Variants in CSMD3 observed in about 807,000 individuals in gnomAD.
CSMD3 encodes CUB and sushi domain-containing protein 3.
In CSMD3, 177 loss-of-function variants were observed where a neutral mutation model predicts 435.2. The ratio of observed to expected loss-of-function variants is 0.41; its 90% CI spans 0.36 to 0.46. The LOEUF is 0.46. Ranked by LOEUF, CSMD3 falls within the 20% of genes least tolerant of loss-of-function variation. The pLI is 0.34. For synonymous variants in CSMD3, 1,656 were observed against 1,520.5 expected, an observed-to-expected ratio of 1.09 and a Z score of -2.07; for missense variants, 4,265 against 4,504.6, an observed-to-expected ratio of 0.95 and a Z score of 1.52.
At chr8:113,260,347 C>T (rs77353164) in intron 3 of CSMD3, among the ~76,000 whole-genome samples, 4 of 152,114 alleles carry the variant, frequency 2.6e-5, no homozygotes, top group African/African-American at 9.7e-5. Flanking sequence ...ACGTTTTGTT[C>T]AGTTATTCAT....
At chr8:112,830,682 A>C (rs1012527142) in intron 11 of CSMD3, among the ~76,000 whole-genome samples, 5 of 152,020 alleles carry the variant, frequency 3.3e-5, no homozygotes, top group African/African-American at 9.6e-5. Context: ...TAAATGAAGA[A>C]GATATTTCTT....
intron 30 of CSMD3, among the ~76,000 whole-genome samples, chr8:112,502,598 G>A (rs148411386): frequency 4.7e-4 from 72 of 152,236 alleles, no homozygotes; most frequent in Admixed American, 9.2e-4. Context: ...GACCTCTTAC[G>A]ATAGCCCTGA....
chr8:113,421,907 A>G (rs1304941272), intron 1 of CSMD3, among the ~76,000 whole-genome samples: 1 of 152,180 alleles, frequency 6.6e-6, no homozygotes, highest in Non-Finnish European at 1.5e-5. Flanking sequence ...TTGCCCAAGG[A>G]CAGGTTTGAG....
chr8:112,543,694 A>G (rs966259511), intron 27 of CSMD3, among the ~76,000 whole-genome samples: 2 of 152,168 alleles, frequency 1.3e-5, no homozygotes, highest in Non-Finnish European at 2.9e-5. Flanking sequence ...TCTAAAAATG[A>G]AACTACTTTA....
intron 13 of CSMD3, among the ~76,000 whole-genome samples, chr8:112,704,373 CATT>C (rs2076453968): frequency 6.6e-6 from 1 of 152,036 alleles, no homozygotes; most frequent in Non-Finnish European, 1.5e-5. Context: ...CTTGAAATAT[CATT>C]AACGTGAAGT....
intron 58 of CSMD3, among the ~76,000 whole-genome samples, chr8:112,285,211 T>G (rs576162538): frequency 2.6e-5 from 4 of 152,224 alleles, no homozygotes; most frequent in African/African-American, 9.6e-5. Flanking sequence ...TAAAATATTT[T>G]GTAGGTCAGC....
intron 9 of CSMD3, among the ~76,000 whole-genome samples, chr8:112,938,851 A>C (rs2083364786): frequency 6.6e-6 from 1 of 152,238 alleles, no homozygotes; most frequent in African/African-American, 2.4e-5. Flanking sequence ...ATTGCAAGCC[A>C]TACTCCCTGG....
In CSMD3 at chr8:112,333,217, G is replaced by A. The variant is rs566256453; in HGVS notation, c.7165+2112C>T. On this transcript the variant is annotated intron_variant, in intron 45 of 70. Coordinates refer to ENST00000297405, the MANE Select transcript of CSMD3 (RefSeq NM_198123.2). The stretch of plus-strand genomic sequence containing the variant: ...AGCTTCACTCTTGTTGCCCACGCTG[G>A]AGTGCAATGGCGCCATCTCGGCTCA... Among the ~76,000 whole-genome samples the A allele has an allele frequency of 3.0e-4, 46 of 152,258 alleles. 1 individual carries two copies. The East Asian group carries it at 4.2e-3, about 14-fold the overall frequency.
At chr8:113,012,990 G>C (rs1412147502) in intron 6 of CSMD3, among the ~76,000 whole-genome samples, 1 of 151,828 alleles carries the variant, frequency 6.6e-6, no homozygotes, top group African/African-American at 2.4e-5. Context: ...ATATGGTGAA[G>C]GTACAACAAG....
intron 12 of CSMD3, among the ~76,000 whole-genome samples, chr8:112,828,396 G>T (rs2079762028): frequency 6.6e-6 from 1 of 152,124 alleles, no homozygotes; most frequent in Admixed American, 6.5e-5. Flanking sequence ...CCATGCTGTT[G>T]TCATGATAGT....
At position 112,637,147 on chromosome 8, in the gene CSMD3, G is replaced by A. The variant is rs756071103; in HGVS notation, c.3527-142C>T. 1.4e-4 allele frequency: 98 copies of A among 679,296 alleles called. 1 individual carries two copies. Among genetic ancestry groups the A allele is most frequent in the Admixed American group, 4.6e-4 (20 of 43,272 alleles). 42.1% of individuals were successfully genotyped at this position (679,296 alleles called of 1,614,324 possible). On this transcript the variant is annotated intron_variant, in intron 21 of 70. Coordinates refer to ENST00000297405, the MANE Select transcript of CSMD3 (RefSeq NM_198123.2). ...GGACTATATGAATAGCTATCAGAAC[G>A]TACAAATGGCACACATACGTTTCTT... is the stretch of plus-strand genomic sequence containing the variant.
At chr8:112,511,580 C>T (rs1233942791) in intron 28 of CSMD3, among the ~76,000 whole-genome samples, 6 of 151,606 alleles carry the variant, frequency 4.0e-5, no homozygotes, top group African/African-American at 1.5e-4. Context: ...TTAGTAGAGA[C>T]GGGGTTTCAC....
chr8:112,420,524 C>T (rs1170965159), intron 32 of CSMD3, among the ~76,000 whole-genome samples: 1 of 152,004 alleles, frequency 6.6e-6, no homozygotes, highest in Non-Finnish European at 1.5e-5. Flanking sequence ...ATTCAAAGTC[C>T]ATACATTTCA....
At chr8:113,293,252 T>G (rs1427464489) in intron 2 of CSMD3, among the ~76,000 whole-genome samples, 3 of 149,546 alleles carry the variant, frequency 2.0e-5, no homozygotes, top group Non-Finnish European at 4.4e-5. Flanking sequence ...TATATATGAT[T>G]CCTATTTTAC....
intron 10 of CSMD3, among the ~76,000 whole-genome samples, chr8:112,868,083 A>G (rs755492082): frequency 2.0e-5 from 3 of 151,840 alleles, no homozygotes; most frequent in Admixed American, 1.3e-4. Context: ...TTTACTCTTT[A>G]TAATTTATTT....
chr8:112,918,886 A>G (rs2082648778), intron 10 of CSMD3, among the ~76,000 whole-genome samples: 1 of 151,886 alleles, frequency 6.6e-6, no homozygotes, highest in Non-Finnish European at 1.5e-5. Context: ...TGATACTGCA[A>G]TTTATGCTGT....
At chr8:113,206,700 C>A (rs542425097) in intron 3 of CSMD3, among the ~76,000 whole-genome samples, 1 of 152,144 alleles carries the variant, frequency 6.6e-6, no homozygotes, top group African/African-American at 2.4e-5. Flanking sequence ...TAACTGTACA[C>A]CTTGGGAGTC....
chr8:112,831,556 T>TG lies in CSMD3; in HGVS notation c.1756-1768dup, dbSNP rs1454249218. ...CCTACCACTCTAGTAGATGTAAAAG[T>TG]GTTTTTTTTTTTTTCGCATTTTCCT... On this transcript the variant is annotated intron_variant, in intron 11 of 70. Transcript: ENST00000297405. 1.4e-4 allele frequency among the ~76,000 whole-genome samples: 8 copies of TG among 55,188 alleles called. No individual in the cohort carries two copies. In the East Asian group the frequency reaches 5.3e-3, roughly 37 times the overall value. The allele number at this position is 55,188 out of a possible 152,430, so 36.2% of individuals were successfully genotyped here. A position where few individuals can be genotyped will look rare whatever the true frequency, so the allele number is the denominator to read the frequency against.
rs570206885 is a variant in CSMD3, at chr8:112,972,844, A to C, written c.1342+2993T>G. Among the ~76,000 whole-genome samples the C allele has an allele frequency of 6.0e-3, 905 of 152,060 alleles. 5 individuals carry two copies. The highest frequency in any genetic ancestry group is 0.019 in the African/African-American group (804 of 41,544). ...CTCAGAGAGCTTAAATTTTACAGGAAAATTTATAGGGCTGATGATTACAAA... is the reference window on the plus strand; with the variant it reads ...CTCAGAGAGCTTAAATTTTACAGGACAATTTATAGGGCTGATGATTACAAA... On this transcript the variant is annotated intron_variant, in intron 7 of 70. Coordinates refer to ENST00000297405, the MANE Select transcript of CSMD3 (RefSeq NM_198123.2).
Sources: gnomAD v4.1 joint callset for allele counts (sites outside exome capture counted in the v4.1 genomes callset) on GRCh38, gnomAD v4.1.1 for gene constraint, MANE v1.5 for transcripts, NCBI Gene and HGNC (gene_info 2026-07-23, HGNC 2026-07-21) for gene names.